CHODL: variants seen among roughly 807,000 people sequenced by gnomAD.
CHODL encodes the protein chondrolectin, also known as transmembrane protein MT75.
CHODL carries 29 observed loss-of-function variants against 34.5 expected under a neutral mutation model. The observed-to-expected ratio is 0.84, with a 90% CI of 0.63 to 1.15. CHODL has a LOEUF of 1.15. CHODL is among the 50% of genes most tolerant of loss of function. The pLI is 0.00. For missense variants in CHODL, 332 were observed against 332.5 expected (o/e 1.00, Z 0.01); for synonymous variants, 125 against 116.1 (o/e 1.08, Z -0.49).
intron 2 of CHODL, among the ~76,000 whole-genome samples, chr21:18,085,524 C>T (rs1042559730): frequency 1.3e-5 from 2 of 152,012 alleles, no homozygotes; most frequent in African/African-American, 4.8e-5. Context: ...TTTAAGACGC[C>T]TCTGAGCATT....
rs938558593 is a variant in CHODL, at chr21:18,245,280, C to G, written c.57C>G (p.Ala19=). The change falls in exon 1 of 6, where the codon GCC becomes GCG. Residue 19 remains alanine (A), a synonymous_variant. Coordinates refer to ENST00000299295, the MANE Select transcript of CHODL (RefSeq NM_024944.3). ...LGAALLCGHG[A]FCRRVVSGQK... is the part of the protein sequence containing the mutation. ...CCGCGCTGCTCTGCGGCCACGGAGC[C>G]TTCTGCCGCCGCGTGGTCAGCGGTG... 3.3e-6 allele frequency: 5 copies of G among 1,525,298 alleles called. No individual in the cohort carries two copies. The highest frequency in any genetic ancestry group is 2.0e-5 in the Admixed American group (1 of 50,436). 94.5% of individuals were successfully genotyped at this position (1,525,298 alleles called of 1,614,324 possible).
intron 1 of CHODL, among the ~76,000 whole-genome samples, chr21:17,940,899 C>T (rs181193913): frequency 1.3e-5 from 2 of 152,216 alleles, no homozygotes; most frequent in Admixed American, 6.5e-5. Flanking sequence ...CATACCATTT[C>T]GATAAACCAT....
intron 2 of CHODL, among the ~76,000 whole-genome samples, chr21:18,158,064 C>T (rs1037276585): frequency 1.9e-4 from 23 of 121,114 alleles, no homozygotes; most frequent in Non-Finnish European, 3.2e-4. Context: ...TTGCAAGATT[C>T]CAAAAGGTTT....
chr21:18,175,846 A>C (rs1035348972), intron 2 of CHODL, among the ~76,000 whole-genome samples: 1 of 123,914 alleles, frequency 8.1e-6, no homozygotes, highest in African/African-American at 2.5e-5. Flanking sequence ...AAAGGATTCT[A>C]GACATGTGAA....
intron 2 of CHODL, among the ~76,000 whole-genome samples, chr21:18,221,168 C>T (rs1012642894): frequency 3.9e-5 from 6 of 151,970 alleles, no homozygotes; most frequent in Admixed American, 3.3e-4. Flanking sequence ...TTAATCTAGT[C>T]TTTTGTTGAA....
chr21:18,237,841 G>A (rs1416044488), intron 2 of CHODL, among the ~76,000 whole-genome samples: 5 of 152,092 alleles, frequency 3.3e-5, no homozygotes, highest in Non-Finnish European at 7.4e-5. Flanking sequence ...AGTAGGTGAA[G>A]AATAAAACCA....
intron 2 of CHODL, among the ~76,000 whole-genome samples, chr21:18,078,546 G>A (rs1945730003): frequency 6.6e-6 from 1 of 152,120 alleles, no homozygotes; most frequent in African/African-American, 2.4e-5. Context: ...AGATATTATT[G>A]CAGATACATC....
intron 1 of CHODL, among the ~76,000 whole-genome samples, chr21:17,954,023 T>A (rs1338124118): frequency 6.6e-6 from 1 of 152,004 alleles, no homozygotes; most frequent in African/African-American, 2.4e-5. Context: ...AAAATTTTTT[T>A]AAATAAATAA....
intron 2 of CHODL, among the ~76,000 whole-genome samples, chr21:18,168,142 G>A (rs573519717): frequency 2.6e-5 from 4 of 152,290 alleles, no homozygotes; most frequent in Admixed American, 2.0e-4. Flanking sequence ...CCTTCCCACC[G>A]CAAACTGAAG....
intron 4 of CHODL, among the ~76,000 whole-genome samples, chr21:18,261,509 A>C (rs1328342654): frequency 1.3e-5 from 2 of 152,082 alleles, no homozygotes; most frequent in African/African-American, 2.4e-5. Flanking sequence ...CTACTAAAAA[A>C]TACAAAAATT....
At chr21:18,025,850 C>T (rs1205103659) in intron 1 of CHODL, among the ~76,000 whole-genome samples, 1 of 152,046 alleles carries the variant, frequency 6.6e-6, no homozygotes, top group African/African-American at 2.4e-5. Context: ...GTGTCTGTGT[C>T]CAAATTTCCT....
At chr21:18,152,340 C>T (rs2072980333) in intron 2 of CHODL, among the ~76,000 whole-genome samples, 1 of 152,146 alleles carries the variant, frequency 6.6e-6, no homozygotes, top group South Asian at 2.1e-4. Context: ...TCACAAACTT[C>T]ATGGTTTAAA....
chr21:18,264,653 G>C (rs2074429044), intron 5 of CHODL, among the ~76,000 whole-genome samples: 1 of 150,804 alleles, frequency 6.6e-6, no homozygotes, highest in Non-Finnish European at 1.5e-5. Context: ...GATAAACTCA[G>C]GAACAGGGAA....
intron 1 of CHODL, among the ~76,000 whole-genome samples, chr21:17,989,903 T>C (rs2063783576): frequency 6.6e-6 from 1 of 152,184 alleles, no homozygotes; most frequent in Non-Finnish European, 1.5e-5. Flanking sequence ...ACTTCTTGAT[T>C]CTTATTGGTA....
intron 1 of CHODL, among the ~76,000 whole-genome samples, chr21:18,009,644 G>T (rs964456259): frequency 6.6e-6 from 1 of 151,974 alleles, no homozygotes; most frequent in Admixed American, 6.6e-5. Flanking sequence ...ATAACATTTG[G>T]TTGGCAGGCC....
intron 2 of CHODL, among the ~76,000 whole-genome samples, chr21:18,194,822 C>CT (rs1157495240): frequency 6.6e-6 from 1 of 151,716 alleles, no homozygotes; most frequent in Non-Finnish European, 1.5e-5. Flanking sequence ...TTTTTTCTCT[C>CT]TTTTTTTAAA....
At chr21:17,922,168 A>G (rs947797296) in intron 1 of CHODL, among the ~76,000 whole-genome samples, 7 of 152,040 alleles carry the variant, frequency 4.6e-5, no homozygotes, top group African/African-American at 1.7e-4. Context: ...TAAGAAGCAA[A>G]TTCAAGGTGA....
At chr21:18,235,897 T>G (rs2074024269) in intron 2 of CHODL, among the ~76,000 whole-genome samples, 1 of 152,152 alleles carries the variant, frequency 6.6e-6, no homozygotes, top group African/African-American at 2.4e-5. Context: ...AATGAATAGT[T>G]TTCTACCTTA....
intron 1 of CHODL, among the ~76,000 whole-genome samples, chr21:18,010,375 T>G (rs1296643408): frequency 1.4e-5 from 2 of 144,766 alleles, no homozygotes; most frequent in Non-Finnish European, 3.0e-5. Flanking sequence ...AGTCTCCTGG[T>G]GGGTCAAATG....
Sources: allele counts gnomAD v4.1 joint callset (sites outside exome capture counted in the v4.1 genomes callset), GRCh38; gene constraint gnomAD v4.1.1; transcripts MANE v1.5; gene names NCBI Gene and HGNC (gene_info 2026-07-23, HGNC 2026-07-21).